Variants in MAGI2 observed in about 807,000 individuals in gnomAD.
MAGI2 encodes the protein membrane-associated guanylate kinase, WW and PDZ domain-containing protein 2.
A neutral mutation model predicts 133.3 loss-of-function variants in MAGI2; 35 were observed. The observed-to-expected ratio is 0.26, with a 90% CI of 0.20 to 0.35. MAGI2 has a LOEUF of 0.35. MAGI2 is among the 10% of genes least tolerant of loss of function. MAGI2 has a pLI of 1.00. For missense variants in MAGI2, 1,636 were observed against 1,863.4 expected (o/e 0.88, Z 2.25); for synonymous variants, 729 against 710.6 (o/e 1.03, Z -0.41).
intron 6 of MAGI2, among the ~76,000 whole-genome samples, chr7:78,375,364 G>A (rs1794342361): frequency 6.6e-6 from 1 of 152,056 alleles, no homozygotes; most frequent in Admixed American, 6.6e-5. Context: ...GGGAGGCGGT[G>A]TCTTGTATGG....
chr7:78,826,110 T>C (rs921709732), intron 2 of MAGI2, among the ~76,000 whole-genome samples: 1 of 152,064 alleles, frequency 6.6e-6, no homozygotes, highest in African/African-American at 2.4e-5. Flanking sequence ...CCCAGCACTT[T>C]GGGAGGCCGA....
At chr7:78,692,795 T>C (rs1817106002) in intron 2 of MAGI2, among the ~76,000 whole-genome samples, 1 of 152,174 alleles carries the variant, frequency 6.6e-6, no homozygotes, top group Non-Finnish European at 1.5e-5. Flanking sequence ...ATTGTCTAAA[T>C]AATTAACCAC....
chr7:78,575,136 A>T (rs1232524141), intron 3 of MAGI2, among the ~76,000 whole-genome samples: 1 of 134,472 alleles, frequency 7.4e-6, no homozygotes, highest in Non-Finnish European at 1.8e-5. Context: ...TTGGCCCTCT[A>T]AGGATATTAA....
At chr7:78,032,009 CTTTTT>C (rs377672697) in intron 21 of MAGI2, among the ~76,000 whole-genome samples, 37 of 124,166 alleles carry the variant, frequency 3.0e-4, no homozygotes, top group South Asian at 5.5e-4. Context: ...AGCCCCCCCA[CTTTTT>C]TTTTTTTTTT....
intron 7 of MAGI2, chr7:78,359,590 A>G (rs1012651088): frequency 2.0e-5 from 3 of 152,332 alleles, no homozygotes; most frequent in African/African-American, 4.8e-5. Context: ...CTTGGTAAAA[A>G]GAATCCATGA....
intron 1 of MAGI2, among the ~76,000 whole-genome samples, chr7:79,433,475 C>T (rs1271121049): frequency 6.6e-6 from 1 of 151,974 alleles, no homozygotes; most frequent in African/African-American, 2.4e-5. Context: ...ATGGCGTGCA[C>T]CCGGGAGGCG....
chr7:79,045,380 T>C (rs778378527), intron 1 of MAGI2, among the ~76,000 whole-genome samples: 2 of 152,246 alleles, frequency 1.3e-5, no homozygotes, highest in Non-Finnish European at 2.9e-5. Flanking sequence ...TATAGCTCAA[T>C]ATAGTTAATT....
intron 2 of MAGI2, among the ~76,000 whole-genome samples, chr7:78,999,891 A>C (rs1218467642): frequency 6.6e-6 from 1 of 152,222 alleles, no homozygotes; most frequent in East Asian, 1.9e-4. Flanking sequence ...TATCAAATTC[A>C]TTCTCAAATT....
chr7:78,898,657 A>G (rs375732270), intron 2 of MAGI2, among the ~76,000 whole-genome samples: 23 of 152,110 alleles, frequency 1.5e-4, no homozygotes, highest in African/African-American at 4.8e-4. Flanking sequence ...CTATCAGAGG[A>G]TCAGGGTGGG....
intron 10 of MAGI2, among the ~76,000 whole-genome samples, chr7:78,214,212 C>T (rs559902575): frequency 4.6e-5 from 7 of 152,296 alleles, no homozygotes; most frequent in East Asian, 3.9e-4. Context: ...GCATTTTGAG[C>T]GGCCGTGCCC....
At chr7:78,649,222 T>TAAAAAAAAAAAAAAAAAAAAAAGA in intron 2 of MAGI2, among the ~76,000 whole-genome samples, 2 of 45,052 alleles carry the variant, frequency 4.4e-5, no homozygotes, top group Non-Finnish European at 7.7e-5. Context: ...TGACTTGTGG[T>TAAAAAAAAAAAAAAAAAAAAAAGA]AAAAAAAAAA....
chr7:78,573,033 ATG>A lies in MAGI2; in HGVS notation c.539-51390_539-51389del, dbSNP rs1422217437. On this transcript the variant is annotated intron_variant, in intron 3 of 21. Transcript: ENST00000354212. ...TAATAGGATATATATATGCATATGT[ATG>A]TATATATATATATATATATATATAT... Among the ~76,000 whole-genome samples the A allele has an allele frequency of 8.0e-3, 385 of 48,226 alleles. 4 individuals are homozygous for A. The highest frequency in any genetic ancestry group is 0.036 in the African/African-American group (355 of 9,868). 31.6% of individuals were successfully genotyped at this position (48,226 alleles called of 152,430 possible). A position where few individuals can be genotyped will look rare whatever the true frequency, so the allele number is the denominator to read the frequency against.
Position 78,715,207 on chromosome 7 carries a change from G to A in MAGI2, c.419-87968C>T, listed in dbSNP as rs551270431. Among the ~76,000 whole-genome samples the A allele has an allele frequency of 8.5e-5, 13 of 152,096 alleles. 1 individual carries two copies. Among genetic ancestry groups the A allele is most frequent in the African/African-American group, 2.7e-4 (11 of 41,486 alleles). ...GGGAGGGAAGGATCTATTTTTCTTC[G>A]GTTCCAGTAAGGATGAAATAACAGC... On this transcript the variant is annotated intron_variant, in intron 2 of 21. Transcript: ENST00000354212.
chr7:78,280,818 T>A (rs1319117970), intron 9 of MAGI2, among the ~76,000 whole-genome samples: 2 of 145,130 alleles, frequency 1.4e-5, no homozygotes, highest in Non-Finnish European at 3.0e-5. Context: ...GCATCAGGAA[T>A]TGCCTTTTAA....
intron 2 of MAGI2, among the ~76,000 whole-genome samples, chr7:78,767,596 G>A (rs1184179389): frequency 6.6e-6 from 1 of 152,116 alleles, no homozygotes; most frequent in Non-Finnish European, 1.5e-5. Context: ...AGGTAGTAGG[G>A]TTCTAAAGTG....
intron 1 of MAGI2, among the ~76,000 whole-genome samples, chr7:79,012,732 C>T (rs1036381982): frequency 3.3e-5 from 5 of 151,996 alleles, no homozygotes; most frequent in Middle Eastern, 3.2e-3. Context: ...CATTTTTTCT[C>T]ATCTATAAAA....
At chr7:79,234,749 G>A (rs1235827689) in intron 1 of MAGI2, among the ~76,000 whole-genome samples, 7 of 149,624 alleles carry the variant, frequency 4.7e-5, no homozygotes, top group East Asian at 2.0e-4. Flanking sequence ...ATGTCCTCCC[G>A]TAGCTCAGAG....
chr7:78,125,097 C>T (rs1820851144), intron 20 of MAGI2, among the ~76,000 whole-genome samples: 1 of 152,124 alleles, frequency 6.6e-6, no homozygotes, highest in African/African-American at 2.4e-5. Context: ...ATCTCTTGAC[C>T]TTGTGATCCT....
intron 1 of MAGI2, among the ~76,000 whole-genome samples, chr7:79,345,374 CAGAA>C (rs1563137101): frequency 6.6e-6 from 1 of 152,024 alleles, no homozygotes; most frequent in Non-Finnish European, 1.5e-5. Context: ...TCACAGGACT[CAGAA>C]GGAACCAACC....
Sources: allele counts gnomAD v4.1 joint callset (sites outside exome capture counted in the v4.1 genomes callset), GRCh38; gene constraint gnomAD v4.1.1; transcripts MANE v1.5; gene names NCBI Gene and HGNC (gene_info 2026-07-23, HGNC 2026-07-21).